Variants in TRPC7 observed in about 807,000 individuals in gnomAD.
TRPC7 encodes the protein short transient receptor potential channel 7.
In TRPC7, 42 loss-of-function variants were observed where a neutral mutation model predicts 90.1. The ratio of observed to expected loss-of-function variants is 0.47; its 90% CI spans 0.36 to 0.60. The LOEUF (loss-of-function observed/expected upper bound fraction) is 0.60, where lower values mean the gene tolerates loss of function less well. Among genes scored for constraint, TRPC7 ranks in the 20% least tolerant of loss-of-function variants. The probability of loss-of-function intolerance (pLI) is 0.00; values close to 1 mark genes in which losing one functional copy is unlikely to be tolerated. For missense variants in TRPC7, 955 were observed against 1,112.3 expected (o/e 0.86, Z 2.01); for synonymous variants, 451 against 436.3 (o/e 1.03, Z -0.42).
chr5:136,292,183 C>G (rs1313003335), intron 3 of TRPC7, among the ~76,000 whole-genome samples: 2 of 152,054 alleles, frequency 1.3e-5, no homozygotes, highest in Non-Finnish European at 2.9e-5. Context: ...GCCCAAAAGA[C>G]AAAGCAGGAA....
chr5:136,364,998 G>T (rs1382321495), intron 1 of TRPC7, among the ~76,000 whole-genome samples: 1 of 152,006 alleles, frequency 6.6e-6, no homozygotes, highest in African/African-American at 2.4e-5. Context: ...TATTACTCTA[G>T]CACAAAAGGA....
At chr5:136,249,202 G>A (rs145734844) in intron 6 of TRPC7, among the ~76,000 whole-genome samples, 1 of 152,242 alleles carries the variant, frequency 6.6e-6, no homozygotes, top group African/African-American at 2.4e-5. Flanking sequence ...GCAATTCGTG[G>A]CATTCCAAGG....
chr5:136,331,092 A>G (rs569627658), intron 2 of TRPC7, among the ~76,000 whole-genome samples: 1 of 151,950 alleles, frequency 6.6e-6, no homozygotes, highest in African/African-American at 2.4e-5. Flanking sequence ...TGCCAGCTAA[A>G]TTCCAAAGGG....
At chr5:136,288,666 C>T (rs566139888) in intron 3 of TRPC7, among the ~76,000 whole-genome samples, 1 of 152,302 alleles carries the variant, frequency 6.6e-6, no homozygotes, top group Non-Finnish European at 1.5e-5. Context: ...CCACACAGGG[C>T]CGTTTGCTCA....
chr5:136,286,661 T>C (rs578168553), intron 3 of TRPC7, among the ~76,000 whole-genome samples: 3 of 152,274 alleles, frequency 2.0e-5, no homozygotes, highest in African/African-American at 7.2e-5. Flanking sequence ...ACCTACAGAA[T>C]TGTGAGTAAT....
intron 2 of TRPC7, among the ~76,000 whole-genome samples, chr5:136,336,162 GA>G (rs1249206184): frequency 2.0e-5 from 3 of 152,060 alleles, no homozygotes; most frequent in African/African-American, 7.2e-5. Context: ...TCTCTTCTGA[GA>G]AGCTTTCTCT....
chr5:136,295,486 G>C (rs78508722), intron 3 of TRPC7, among the ~76,000 whole-genome samples: 3 of 152,072 alleles, frequency 2.0e-5, no homozygotes, highest in Non-Finnish European at 4.4e-5. Context: ...TGCCTGCTAG[G>C]CAGGGTGAGC....
intron 5 of TRPC7, among the ~76,000 whole-genome samples, chr5:136,261,323 A>G (rs1756851784): frequency 6.6e-6 from 1 of 152,240 alleles, no homozygotes. Flanking sequence ...ACTAGAAAAT[A>G]TTTATTGAGT....
chr5:136,328,937 G>A (rs776807048), intron 2 of TRPC7, among the ~76,000 whole-genome samples: 3 of 152,216 alleles, frequency 2.0e-5, no homozygotes, highest in Non-Finnish European at 4.4e-5. Context: ...ATTGGGGCAG[G>A]GTCCTGCTCA....
In TRPC7 at chr5:136,266,349, C is replaced by G; in HGVS notation, c.1216G>C (p.Ala406Pro). The change falls in exon 5 of 12, where the codon GCA (alanine) becomes CCA (proline). Residue 406 changes from alanine (A) to proline (P), a missense_variant. Around this residue, in one of 4 missense-constraint regions of TRPC7, gnomAD observed 484 missense variants for 509.6 expected, o/e 0.95. Transcript: ENST00000513104. ...TIFLGLLVVN[A>P]SDRFEGVKTL... is the part of the protein sequence containing the mutation. ...TTAACACCTTCAAATCGGTCAGATG[C>G]ATTCACAACTAATAATCCCAAGAAG... is the stretch of plus-strand genomic sequence containing the variant. 1 of 1,613,862 alleles carries G rather than the reference C, an allele frequency of 6.2e-7. No individual in the cohort carries two copies. The highest frequency in any genetic ancestry group is 8.5e-7 in the Non-Finnish European group (1 of 1,179,816).
intron 3 of TRPC7, among the ~76,000 whole-genome samples, chr5:136,307,785 G>A (rs147988407): frequency 3.8e-4 from 58 of 152,276 alleles, no homozygotes; most frequent in Middle Eastern, 3.4e-3. Flanking sequence ...TTAAGGTGTC[G>A]GGCTTGAGAA....
At chr5:136,216,009 G>A (rs1461407399) in intron 11 of TRPC7, among the ~76,000 whole-genome samples, 191 bp downstream of exon 11, 1 of 152,108 alleles carries the variant, frequency 6.6e-6, no homozygotes, top group Admixed American at 6.5e-5. Context: ...GGCCAGCAAG[G>A]CAACAGGGAC....
At chr5:136,239,267 G>A (rs905396072) in intron 7 of TRPC7, among the ~76,000 whole-genome samples, 9 of 152,316 alleles carry the variant, frequency 5.9e-5, no homozygotes, top group African/African-American at 1.7e-4. Context: ...GGTTACAGGC[G>A]TGGGCCACTG....
At chr5:136,311,874 C>T (rs1215003088) in intron 3 of TRPC7, among the ~76,000 whole-genome samples, 2 of 152,224 alleles carry the variant, frequency 1.3e-5, no homozygotes, top group Non-Finnish European at 2.9e-5. Flanking sequence ...GTAATGTAGG[C>T]ATTGACTGTG....
chr5:136,325,401 GC>G (rs1354950009), intron 2 of TRPC7, among the ~76,000 whole-genome samples: 2 of 152,122 alleles, frequency 1.3e-5, no homozygotes, highest in Non-Finnish European at 2.9e-5. Context: ...GTCAAGAGAA[GC>G]TTGTTTTTTC....
At chr5:136,304,511 G>C (rs1209470945) in intron 3 of TRPC7, among the ~76,000 whole-genome samples, 1 of 151,930 alleles carries the variant, frequency 6.6e-6, no homozygotes, top group African/African-American at 2.4e-5. Flanking sequence ...CATATACTCT[G>C]CTATCCTCAA....
At chr5:136,301,186 C>G (rs1758369462) in intron 3 of TRPC7, among the ~76,000 whole-genome samples, 1 of 152,028 alleles carries the variant, frequency 6.6e-6, no homozygotes, top group Admixed American at 6.5e-5. Context: ...ACCACCATGC[C>G]CAGCTAATTT....
chr5:136,357,263 G>C lies in TRPC7; in HGVS notation c.125C>G (p.Pro42Arg). 6.2e-7 allele frequency: 1 copy of C among 1,613,480 alleles called. No individual in the cohort carries two copies. The highest frequency in any genetic ancestry group is 8.5e-7 in the Non-Finnish European group (1 of 1,179,920). ...CGAGTCCAGGAAGCGCTCCTCCTCG[G>C]GCGTCAGACTGGTGCCCTTCTCGTT... ...MFNEKGTSLT[P>R]EEERFLDSAE... The change falls in exon 2 of 12, where the codon CCC (proline) becomes CGC (arginine). Residue 42 changes from proline (P) to arginine (R), a missense_variant. Pro to Arg is a moderately radical substitution (Grantham distance 103). Transcript: ENST00000513104.
chr5:136,235,405 T>A (rs1755951320), intron 7 of TRPC7, among the ~76,000 whole-genome samples: 1 of 152,094 alleles, frequency 6.6e-6, no homozygotes, highest in South Asian at 2.1e-4. Context: ...CTACCCTGAG[T>A]GGGAAATGAC....
Sources: allele counts gnomAD v4.1 joint callset (sites outside exome capture counted in the v4.1 genomes callset), GRCh38; gene constraint gnomAD v4.1.1; regional missense constraint gnomAD v4.1.1; transcripts MANE v1.5; gene names NCBI Gene and HGNC (gene_info 2026-07-23, HGNC 2026-07-21).